Variants in MAD1L1 observed in about 807,000 individuals in gnomAD.
The protein encoded by MAD1L1 is mitotic arrest deficient 1 like 1, also known as mitotic spindle assembly checkpoint protein MAD1.
A neutral mutation model predicts 96.9 loss-of-function variants in MAD1L1; 95 were observed. The ratio of observed to expected loss-of-function variants is 0.98; its 90% CI spans 0.83 to 1.16. The LOEUF (loss-of-function observed/expected upper bound fraction) is 1.16, where lower values mean the gene tolerates loss of function less well. Among genes scored for constraint, MAD1L1 ranks in the 50% most tolerant of loss-of-function variants. The pLI is 0.00. For synonymous variants in MAD1L1, 473 were observed against 396.6 expected (o/e 1.19, Z -2.29); for missense variants, 1,007 against 954.4 (o/e 1.06, Z -0.73).
chr7:2,146,710 G>A lies in MAD1L1; in HGVS notation c.1073+2442C>T, dbSNP rs1280954175. Among the ~76,000 whole-genome samples the A allele has an allele frequency of 2.6e-5, 4 of 152,192 alleles. No individual in the cohort carries two copies. The highest frequency in any genetic ancestry group is 4.4e-5 in the Non-Finnish European group (3 of 68,014). On this transcript the variant is annotated intron_variant, in intron 11 of 18. Coordinates refer to ENST00000265854, the MANE Select transcript of MAD1L1 (RefSeq NM_001013836.2). The surrounding 1 kb of genome is among the most constrained non-coding windows in gnomAD (Gnocchi z 6.2). ...ATGAGGCCCGCCTGGCAAAGCCCTCGGGGATCTGGGCCACCGTGGCCTCCC... is the reference window on the plus strand; with the variant it reads ...ATGAGGCCCGCCTGGCAAAGCCCTCAGGGATCTGGGCCACCGTGGCCTCCC...
At chr7:2,028,226 C>T (rs1353023143) in intron 12 of MAD1L1, among the ~76,000 whole-genome samples, 1 of 151,942 alleles carries the variant, frequency 6.6e-6, no homozygotes, top group African/African-American at 2.4e-5. Flanking sequence ...GAGATCGAGA[C>T]CATCCTGGCT....
At chr7:1,820,592 C>A (rs187227421) in intron 18 of MAD1L1, among the ~76,000 whole-genome samples, 26 of 152,072 alleles carry the variant, frequency 1.7e-4, no homozygotes, top group Non-Finnish European at 2.5e-4. Flanking sequence ...CACAGTGAGA[C>A]CCCATCCCTA....
chr7:2,105,982 C>G (rs1787070743), intron 11 of MAD1L1, among the ~76,000 whole-genome samples: 1 of 148,454 alleles, frequency 6.7e-6, no homozygotes, highest in African/African-American at 2.5e-5. Context: ...CTGCCCCTGC[C>G]CCTGCCCCAC....
chr7:2,001,047 G>A (rs1039358731), intron 14 of MAD1L1, among the ~76,000 whole-genome samples: 11 of 152,336 alleles, frequency 7.2e-5, no homozygotes, highest in South Asian at 6.2e-4. Flanking sequence ...AGGCTGTGCT[G>A]CCAGCCCCAG....
At chr7:2,230,445 G>T in intron 2 of MAD1L1, 104 bp downstream of exon 2, 1 of 314,640 alleles carries the variant, frequency 3.2e-6, no homozygotes, top group Non-Finnish European at 6.2e-6. Context: ...CACTCAGGTG[G>T]CACGTCCCCC....
chr7:2,189,483 G>A (rs1791616867), intron 10 of MAD1L1, among the ~76,000 whole-genome samples: 1 of 152,198 alleles, frequency 6.6e-6, no homozygotes, highest in Non-Finnish European at 1.5e-5. Flanking sequence ...GGACATTTTG[G>A]CACATGCCAC....
At chr7:1,884,915 A>C (rs1785916514) in intron 18 of MAD1L1, among the ~76,000 whole-genome samples, 1 of 152,206 alleles carries the variant, frequency 6.6e-6, no homozygotes, top group Non-Finnish European at 1.5e-5. Flanking sequence ...CTGGGGACAC[A>C]GTGTGGTGGT....
intron 14 of MAD1L1, among the ~76,000 whole-genome samples, chr7:1,982,942 G>C (rs1286242762): frequency 6.6e-6 from 1 of 152,146 alleles, no homozygotes; most frequent in East Asian, 1.9e-4. Context: ...ACGCCCCCAT[G>C]AAGAGGGTAT....
chr7:1,972,477 A>G (rs1018583461), intron 15 of MAD1L1, among the ~76,000 whole-genome samples: 35 of 152,172 alleles, frequency 2.3e-4, no homozygotes, highest in Non-Finnish European at 4.3e-4. Context: ...TGTTTGTGGC[A>G]TAACACCCTC....
At chr7:2,158,160 G>T (rs1270001379) in intron 10 of MAD1L1, among the ~76,000 whole-genome samples, 1 of 152,236 alleles carries the variant, frequency 6.6e-6, no homozygotes, top group Admixed American at 6.5e-5. Context: ...TCTATCTGCA[G>T]CTGAATTTTG....
intron 12 of MAD1L1, among the ~76,000 whole-genome samples, chr7:2,042,239 G>A (rs914376600): frequency 6.7e-5 from 10 of 149,352 alleles, no homozygotes; most frequent in African/African-American, 2.0e-4. Flanking sequence ...AAGCGCATGC[G>A]CACACGTACA....
intron 11 of MAD1L1, among the ~76,000 whole-genome samples, chr7:2,077,688 C>T (rs1367711380): frequency 2.0e-4 from 30 of 152,342 alleles, no homozygotes; most frequent in Admixed American, 1.7e-3. Flanking sequence ...GCAGGAGGCG[C>T]GCGGGAGCAG....
chr7:2,128,218 C>T (rs1243168266), intron 11 of MAD1L1, among the ~76,000 whole-genome samples: 1 of 152,104 alleles, frequency 6.6e-6, no homozygotes, highest in African/African-American at 2.4e-5. Flanking sequence ...TCTCTGGTCC[C>T]AGACTAATTA....
At chr7:2,072,379 A>C (rs1785174942) in intron 11 of MAD1L1, among the ~76,000 whole-genome samples, 1 of 152,222 alleles carries the variant, frequency 6.6e-6, no homozygotes, top group African/African-American at 2.4e-5. Context: ...AAAGCCCTAC[A>C]CTGACACTGG....
chr7:1,934,727 G>A (rs528638532), intron 17 of MAD1L1, among the ~76,000 whole-genome samples: 5 of 143,098 alleles, frequency 3.5e-5, no homozygotes, highest in Admixed American at 2.1e-4. Context: ...AGGAACAGAC[G>A]GGCGAACCCG....
intron 16 of MAD1L1, among the ~76,000 whole-genome samples, chr7:1,940,739 T>G (rs1392280749): frequency 2.6e-5 from 4 of 152,244 alleles, no homozygotes; most frequent in African/African-American, 9.6e-5. Flanking sequence ...AACACGAATC[T>G]GAATTTCAGA....
At chr7:1,877,586 T>C (rs1193114853) in intron 18 of MAD1L1, among the ~76,000 whole-genome samples, 1 of 152,114 alleles carries the variant, frequency 6.6e-6, no homozygotes, top group Non-Finnish European at 1.5e-5. Context: ...ATAAATGGCA[T>C]AGATTATCAG....
Position 2,222,690 on chromosome 7 carries a change from C to G in MAD1L1, c.356G>C (p.Gly119Ala), listed in dbSNP as rs780406583. ...RIRQLQEREA[G>A]AEEKMQEQLE... The stretch of plus-strand genomic sequence containing the variant: ...CTGCTCCTGCATCTTCTCCTCCGCC[C>G]CGGCCTCCCGCTCCTGAAGCTGCCG... Residue 119 changes from glycine to alanine, a missense_variant, in exon 5 of 19, where the codon GGG becomes GCG. By Grantham distance (60) the Gly-to-Ala change is moderately conservative (BLOSUM62 0). Coordinates refer to ENST00000265854, the MANE Select transcript of MAD1L1 (RefSeq NM_001013836.2). The G allele has an allele frequency of 1.9e-6, 3 of 1,612,138 alleles. No individual in the cohort carries two copies. Among genetic ancestry groups the G allele is most frequent in the Non-Finnish European group, 8.5e-7 (1 of 1,179,894 alleles).
At chr7:2,137,120 C>T (rs1788790481) in intron 11 of MAD1L1, among the ~76,000 whole-genome samples, 1 of 152,174 alleles carries the variant, frequency 6.6e-6, no homozygotes, top group African/African-American at 2.4e-5. Context: ...TAGGCTCACA[C>T]AAACCCCTTC....
Sources: allele counts gnomAD v4.1 joint callset (sites outside exome capture counted in the v4.1 genomes callset), GRCh38; gene constraint gnomAD v4.1.1; non-coding constraint Gnocchi (gnomAD v3.1); transcripts MANE v1.5; gene names NCBI Gene and HGNC (gene_info 2026-07-23, HGNC 2026-07-21).